Variants in COL22A1 observed in about 807,000 individuals in gnomAD.
The protein encoded by COL22A1 is collagen alpha-1(XXII) chain.
Under a neutral mutation model 248.9 loss-of-function variants are expected in COL22A1, and 221 were observed. The ratio of observed to expected loss-of-function variants is 0.89; its 90% CI spans 0.80 to 0.99. The LOEUF is 0.99. Ranked by LOEUF, COL22A1 falls within the 50% of genes least tolerant of loss-of-function variation. COL22A1 has a pLI of 0.00. For missense variants in COL22A1, 2,240 were observed against 2,179.0 expected (o/e 1.03, Z -0.56); for synonymous variants, 891 against 793.4 (o/e 1.12, Z -2.07).
chr8:138,755,969 C>T lies in COL22A1; in HGVS notation c.1903-140G>A, dbSNP rs572048811. 65 of 695,010 alleles carry T rather than the reference C, an allele frequency of 9.4e-5. 1 individual carries two copies. The Admixed American group carries it at 1.4e-3, about 15-fold the overall frequency. 43.1% of individuals were successfully genotyped at this position (695,010 alleles called of 1,614,324 possible). A position where few individuals can be genotyped will look rare whatever the true frequency, so the allele number is the denominator to read the frequency against. On this transcript the variant is annotated intron_variant, in intron 18 of 64. Transcript: ENST00000303045. ...CCACCACACATATCTTCGTCTTGCC[C>T]GAGCCTGCTGTCTTCTGAAATTCTC...
rs1451446808 is a variant in COL22A1 at position 138,802,808 on chromosome 8, G to A, written c.1557+64C>T. 6 of 1,271,338 alleles carry A rather than the reference G, an allele frequency of 4.7e-6. No individual in the cohort carries two copies. In the East Asian group the frequency reaches 1.2e-4, roughly 24 times the overall value. 78.8% of individuals were successfully genotyped at this position (1,271,338 alleles called of 1,614,324 possible). A position where few individuals can be genotyped will look rare whatever the true frequency, so the allele number is the denominator to read the frequency against. ...ACACTTGCTGATTTGCATGATCGGA[G>A]GGCCCTGGGTCCCCCACGCCCGCCC... On this transcript the variant is annotated intron_variant, in intron 11 of 64. Coordinates refer to ENST00000303045, the MANE Select transcript of COL22A1 (RefSeq NM_152888.3).
chr8:138,738,050 T>C (rs1051652542), intron 22 of COL22A1, among the ~76,000 whole-genome samples: 1 of 152,142 alleles, frequency 6.6e-6, no homozygotes, highest in African/African-American at 2.4e-5. Context: ...ATTCAACCTG[T>C]TAAACTTTGC....
intron 9 of COL22A1, among the ~76,000 whole-genome samples, chr8:138,809,222 AG>A (rs112097591): frequency 1.3e-5 from 2 of 152,320 alleles, no homozygotes; most frequent in African/African-American, 2.4e-5. Context: ...GTTCTCTAGC[AG>A]GCCTGCTGTG....
At chr8:138,637,097 G>A (rs1821247019) in intron 47 of COL22A1, among the ~76,000 whole-genome samples, 1 of 152,240 alleles carries the variant, frequency 6.6e-6, no homozygotes, top group Non-Finnish European at 1.5e-5. Flanking sequence ...TCTGATGTTA[G>A]ATTTAGTTGT....
rs773983717 is a variant in COL22A1 at position 138,779,509 on chromosome 8, C to T, written c.1704G>A (p.Arg568=). 80 of 1,611,036 alleles carry T rather than the reference C, an allele frequency of 5.0e-5. No individual in the cohort carries two copies. The highest frequency in any genetic ancestry group is 6.4e-5 in the Non-Finnish European group (75 of 1,177,266). Residue 568 remains arginine, a splice_region_variant and synonymous_variant, in exon 14 of 65, where the codon CGG becomes CGA. Transcript: ENST00000303045. The stretch of plus-strand genomic sequence containing the variant: ...GGGCCCAGCTCACAGCAACACTCAC[C>T]CGCATGCCGACCTCACCCGGCAGCC... ...EPGLPGEVGM[R]GPQGPPGLPG...
intron 44 of COL22A1, among the ~76,000 whole-genome samples, chr8:138,658,816 G>A (rs991033415): frequency 2.6e-5 from 4 of 152,076 alleles, no homozygotes; most frequent in Admixed American, 6.5e-5. Flanking sequence ...GAGAGCCAAT[G>A]GGCCATACTT....
chr8:138,601,172 G>T lies in COL22A1; in HGVS notation c.4185+943C>A, dbSNP rs572166494. On this transcript the variant is annotated intron_variant, in intron 60 of 64. Transcript: ENST00000303045. ...CCACGGCTGCCTGAGTCGCATTCTC[G>T]GGGGGGAACATCAACGCCTTCTCAG... Among the ~76,000 whole-genome samples the T allele has an allele frequency of 1.1e-4, 16 of 151,964 alleles. 1 individual carries two copies. Among genetic ancestry groups the T allele is most frequent in the Admixed American group, 9.2e-4 (14 of 15,274 alleles).
chr8:138,805,835 GGTGT>G (rs913943364), intron 10 of COL22A1, among the ~76,000 whole-genome samples: 4 of 130,574 alleles, frequency 3.1e-5, no homozygotes, highest in East Asian at 2.4e-4. Flanking sequence ...TGTTTTTGAT[GGTGT>G]GTGTGTATGT....
intron 47 of COL22A1, among the ~76,000 whole-genome samples, chr8:138,638,552 C>T (rs548234943): frequency 5.8e-4 from 88 of 152,220 alleles, no homozygotes; most frequent in African/African-American, 2.0e-3. Flanking sequence ...ATCTAATAAT[C>T]CCCCCTCTCT....
In COL22A1 at chr8:138,844,758, G is replaced by A. The variant is rs1821115066; in HGVS notation, c.659-600C>T. 1.3e-5 allele frequency among the ~76,000 whole-genome samples: 2 copies of A among 152,074 alleles called. 1 individual carries two copies. Among genetic ancestry groups the A allele is most frequent in the Admixed American group, 1.3e-4 (2 of 15,268 alleles). ...GAGGTCAGGAGATCGAGATCATCCT[G>A]GCTAACACGGTGAAACCCCGTCTCT... On this transcript the variant is annotated intron_variant, in intron 3 of 64. Transcript: ENST00000303045.
intron 60 of COL22A1, among the ~76,000 whole-genome samples, chr8:138,599,404 G>A (rs954856358): frequency 3.9e-5 from 6 of 152,080 alleles, no homozygotes; most frequent in African/African-American, 9.7e-5. Flanking sequence ...GCGTGAACCC[G>A]GGAGGCGGAG....
intron 32 of COL22A1, among the ~76,000 whole-genome samples, chr8:138,699,797 G>A (rs1239632018): frequency 6.6e-6 from 1 of 152,178 alleles, no homozygotes; most frequent in Non-Finnish European, 1.5e-5. Context: ...AAATAATTCT[G>A]TTCTCCTCAA....
intron 59 of COL22A1, among the ~76,000 whole-genome samples, chr8:138,604,368 T>C (rs531289343): frequency 1.3e-5 from 2 of 152,238 alleles, no homozygotes; most frequent in East Asian, 3.9e-4. Context: ...CACTGCAGTG[T>C]TCAAGTGAGA....
Position 138,652,353 on chromosome 8 carries a change from C to A in COL22A1, c.3334-2575G>T, listed in dbSNP as rs1822812852. On this transcript the variant is annotated intron_variant, in intron 45 of 64. Coordinates refer to ENST00000303045, the MANE Select transcript of COL22A1 (RefSeq NM_152888.3). ...TAAATGAGACAATTAATGGAAAATG[C>A]CTGACACTGTCCTGACACAGAGTGA... is the stretch of plus-strand genomic sequence containing the variant. Among the ~76,000 whole-genome samples, 3 of 152,188 alleles carry A rather than the reference C, an allele frequency of 2.0e-5. No individual in the cohort carries two copies. In the South Asian group the frequency reaches 6.2e-4, roughly 32 times the overall value.
chr8:138,879,460 G>C (rs1307812033), intron 2 of COL22A1, among the ~76,000 whole-genome samples: 2 of 152,124 alleles, frequency 1.3e-5, no homozygotes, highest in Non-Finnish European at 2.9e-5. Flanking sequence ...GGGAGGTCAA[G>C]GCGGGCAGAT....
chr8:138,693,912 C>G (rs1192870268), intron 34 of COL22A1, among the ~76,000 whole-genome samples: 1 of 152,146 alleles, frequency 6.6e-6, no homozygotes, highest in Non-Finnish European at 1.5e-5. Context: ...ATCCTCACCA[C>G]CTACCCAGGG....
rs1015059429 is a variant in COL22A1, at chr8:138,805,719, G to A, written c.1494+2049C>T. ...ATGGTGTGGGATGGTGTGTGATGGTGTAGTGATGGTGTGTGTATATGTGAT... is the reference window on the plus strand; with the variant it reads ...ATGGTGTGGGATGGTGTGTGATGGTATAGTGATGGTGTGTGTATATGTGAT... On this transcript the variant is annotated intron_variant, in intron 10 of 64. Transcript: ENST00000303045. Among the ~76,000 whole-genome samples the A allele has an allele frequency of 2.1e-5, 3 of 145,888 alleles. No individual in the cohort carries two copies. The South Asian group carries it at 6.8e-4, about 33-fold the overall frequency.
intron 1 of COL22A1, among the ~76,000 whole-genome samples, chr8:138,912,069 C>T (rs1815489045): frequency 1.3e-5 from 2 of 152,268 alleles, no homozygotes; most frequent in Admixed American, 6.5e-5. Context: ...ATATTGCATG[C>T]TCACCACGTA....
At chr8:138,601,577 C>T (rs555527103) in intron 60 of COL22A1, among the ~76,000 whole-genome samples, 1 of 152,102 alleles carries the variant, frequency 6.6e-6, no homozygotes, top group African/African-American at 2.4e-5. Context: ...AACGCGTCCG[C>T]CTTCCACAGG....
Sources: gnomAD v4.1 joint callset for allele counts (sites outside exome capture counted in the v4.1 genomes callset) on GRCh38, gnomAD v4.1.1 for gene constraint, MANE v1.5 for transcripts, NCBI Gene and HGNC (gene_info 2026-07-23, HGNC 2026-07-21) for gene names.